Variants in PHF12 observed in about 807,000 individuals in gnomAD.
PHF12 encodes the protein PHD factor 1.
Under a neutral mutation model 99.8 loss-of-function variants are expected in PHF12, and 6 were observed. The ratio of observed to expected loss-of-function variants is 0.06; its 90% CI spans 0.03 to 0.12. The LOEUF (loss-of-function observed/expected upper bound fraction) is 0.12. Among genes scored for constraint, PHF12 ranks in the 10% least tolerant of loss-of-function variants. PHF12 has a pLI of 1.00. For missense variants in PHF12, 954 were observed against 1,300.1 expected (o/e 0.73, Z 4.09); for synonymous variants, 480 against 514.9 (o/e 0.93, Z 0.92).
In PHF12 at chr17:28,913,867, A is replaced by G. The variant is rs1006487114; in HGVS notation, c.1293+12T>C. The G allele has an allele frequency of 2.5e-6, 4 of 1,589,810 alleles. No individual in the cohort carries two copies. The African/African-American group carries it at 4.0e-5, about 16-fold the overall frequency. Reference sequence around the variant, plus strand: ...AGGTTGGATTTGGAATCCCCGCCCCACCTTCACTCACCTCTTGCTGCTCTG... The same window carrying G: ...AGGTTGGATTTGGAATCCCCGCCCCGCCTTCACTCACCTCTTGCTGCTCTG... On this transcript the variant is annotated intron_variant, in intron 8 of 14. Transcript: ENST00000332830.
At chr17:28,919,531 G>A (rs1355694361) in intron 5 of PHF12, among the ~76,000 whole-genome samples, 1 of 147,268 alleles carries the variant, frequency 6.8e-6, no homozygotes, top group African/African-American at 2.7e-5. Flanking sequence ...TCAGGAGACT[G>A]AGACTGAGAC....
chr17:28,907,530 A>G lies in PHF12; in HGVS notation c.2541+60T>C. The G allele has an allele frequency of 3.2e-6, 5 of 1,546,404 alleles. No individual in the cohort carries two copies. The South Asian group carries it at 5.6e-5, about 17-fold the overall frequency. On this transcript the variant is annotated intron_variant, in intron 13 of 14. Transcript: ENST00000332830. ...CCCTCAGGGCACTGAACAAAAACCT[A>G]CTGCCTGGGAGAGGCCTCAGGTTGG... is the stretch of plus-strand genomic sequence containing the variant.
intron 2 of PHF12, among the ~76,000 whole-genome samples, chr17:28,940,458 T>C (rs1288378824): frequency 6.6e-6 from 1 of 152,228 alleles, no homozygotes; most frequent in African/African-American, 2.4e-5. Context: ...ATCTGCAAGG[T>C]GCACATGTAA....
At chr17:28,930,428 G>C (rs1204148184) in intron 2 of PHF12, among the ~76,000 whole-genome samples, 1 of 152,166 alleles carries the variant, frequency 6.6e-6, no homozygotes, top group Non-Finnish European at 1.5e-5. Flanking sequence ...AAAGAACTGG[G>C]GAACACTAAG....
chr17:28,912,915 G>A lies in PHF12; in HGVS notation c.1656C>T (p.Leu552=), dbSNP rs754523065. ...CCGTGGAATCAGTAGGGCTGCTGTA[G>A]AGGTGTGGGCCATTAGCTTTCACCT... ...NTEVKANGPH[L]YSSPTDSTDP... is the part of the protein sequence containing the mutation. Residue 552 remains leucine (L), a synonymous_variant, in exon 9 of 15, where the codon CTC becomes CTT. Coordinates refer to ENST00000332830, the MANE Select transcript of PHF12 (RefSeq NM_001033561.2). 2 of 1,614,226 alleles carry A rather than the reference G, an allele frequency of 1.2e-6. No individual in the cohort carries two copies. The highest frequency in any genetic ancestry group is 1.1e-5 in the South Asian group (1 of 91,088).
rs1021782724 is a variant in PHF12 at position 28,937,794 on chromosome 17, T to C, written c.249-10731A>G. Reference sequence around the variant, plus strand: ...GGGCCTGATCTATCACTAGCCTGGTTTGGCTATTCTTGCAATTCTGGCTTC... The same window carrying C: ...GGGCCTGATCTATCACTAGCCTGGTCTGGCTATTCTTGCAATTCTGGCTTC... On this transcript the variant is annotated intron_variant, in intron 2 of 14. Transcript: ENST00000332830. 3.3e-5 allele frequency among the ~76,000 whole-genome samples: 5 copies of C among 152,238 alleles called. 1 individual carries two copies. The highest frequency in any genetic ancestry group is 5.9e-5 in the Non-Finnish European group (4 of 68,040).
intron 2 of PHF12, 69 bp from the exon 3 acceptor site, chr17:28,927,132 G>A (rs1263918108): frequency 2.8e-6 from 4 of 1,419,770 alleles, no homozygotes; most frequent in Non-Finnish European, 3.9e-6. Flanking sequence ...GCCTAGCTAG[G>A]TTTGCATGTT....
chr17:28,937,983 C>A (rs2040539762), intron 2 of PHF12, among the ~76,000 whole-genome samples: 1 of 152,156 alleles, frequency 6.6e-6, no homozygotes, highest in East Asian at 1.9e-4. Flanking sequence ...GAAGGAAGAA[C>A]CAACAACTGC....
chr17:28,912,479 C>A lies in PHF12; in HGVS notation c.2089+3G>T, dbSNP rs192378427. The A allele has an allele frequency of 6.3e-7, 1 of 1,588,030 alleles. No homozygotes were observed. Among genetic ancestry groups the A allele is most frequent in the Admixed American group, 1.7e-5 (1 of 58,588 alleles). On this transcript the variant is annotated splice_donor_region_variant and intron_variant, in intron 9 of 14. Transcript: ENST00000332830. ...AATCAACCCAAGGCTGAGCAGCACT[C>A]ACCTGACGATGGCGCTGGTGAGCTG...
At chr17:28,907,757 G>A in intron 12 of PHF12, 85 bp from the exon 13 acceptor site, 1 of 1,332,350 alleles carries the variant, frequency 7.5e-7, no homozygotes, top group Non-Finnish European at 1.1e-6. Context: ...CAGGGAGAGA[G>A]TTAGCTTCTG....
At chr17:28,933,108 A>G (rs557250371) in intron 2 of PHF12, among the ~76,000 whole-genome samples, 7 of 152,332 alleles carry the variant, frequency 4.6e-5, no homozygotes, top group African/African-American at 1.4e-4. Context: ...TGTATCAATG[A>G]AGACAGGGTC....
Position 28,950,217 on chromosome 17 carries a change from C to T in PHF12, c.96G>A (p.Lys32=), listed in dbSNP as rs931022700. 7 of 1,611,800 alleles carry T rather than the reference C, an allele frequency of 4.3e-6. No individual in the cohort carries two copies. In the African/African-American group the frequency reaches 9.3e-5, roughly 22 times the overall value. The part of the protein sequence containing the change: ...EQIQALLAPP[K]TDEAEKRSRK... ...GACTGCGCTTTTCTGCCTCGTCCGT[C>T]TTGGGGGGAGCCAGCAGAGCTTGGA... is the stretch of plus-strand genomic sequence containing the variant. Residue 32 remains lysine, a synonymous_variant, in exon 2 of 15, where the codon AAG becomes AAA. Coordinates refer to ENST00000332830, the MANE Select transcript of PHF12 (RefSeq NM_001033561.2). The surrounding 1 kb of genome is among the most constrained non-coding windows in gnomAD (Gnocchi z 5.7).
chr17:28,940,318 G>A (rs752572348), intron 2 of PHF12, among the ~76,000 whole-genome samples: 5 of 152,314 alleles, frequency 3.3e-5, no homozygotes, highest in East Asian at 1.9e-4. Context: ...GTCAGCCTCC[G>A]GCTTTTAAGT....
chr17:28,950,983 GCT>G lies in PHF12; in HGVS notation c.-25_-24del, dbSNP rs760856547. ...CATTCATCCACCTCCCGGGCTGGGT[GCT>G]CTCTGCTCCGGCCCCCCCAACCCCG... On this transcript the variant is annotated 5_prime_UTR_variant, in exon 1 of 15. Coordinates refer to ENST00000332830, the MANE Select transcript of PHF12 (RefSeq NM_001033561.2). This position sits in a 1 kb window ranked among gnomAD's most constrained non-coding sequence, Gnocchi z 5.7. 18 of 1,613,534 alleles carry G rather than the reference GCT, an allele frequency of 1.1e-5. No homozygotes were observed. The South Asian group carries it at 1.9e-4, about 17-fold the overall frequency.
chr17:28,950,174 G>C lies in PHF12; in HGVS notation c.139C>G (p.Pro47Ala), dbSNP rs377511362. ...EKRSRKPEKE[P>A]RRSGRATNHD... ...TTGGTGGCCCTGCCGCTTCTCCGGG[G>C]CTCCTTCTCAGGCTTCCGACTGCGC... The change falls in exon 2 of 15, where the codon CCC becomes GCC. Residue 47 changes from proline (P) to alanine (A), a missense_variant. By Grantham distance (27) the Pro-to-Ala change is conservative (BLOSUM62 -1). Coordinates refer to ENST00000332830, the MANE Select transcript of PHF12 (RefSeq NM_001033561.2). This position sits in a 1 kb window ranked among gnomAD's most constrained non-coding sequence, Gnocchi z 5.7. 8 of 1,613,764 alleles carry C rather than the reference G, an allele frequency of 5.0e-6. No individual in the cohort carries two copies. Among genetic ancestry groups the C allele is most frequent in the Non-Finnish European group, 6.8e-6 (8 of 1,180,000 alleles).
chr17:28,927,778 T>C (rs182450724), intron 2 of PHF12: 1 of 152,268 alleles, frequency 6.6e-6, no homozygotes, highest in Admixed American at 6.5e-5. Flanking sequence ...CCTGCTGTCA[T>C]GCTATGAGAG....
At chr17:28,914,516 T>A (rs180990258) in intron 7 of PHF12, among the ~76,000 whole-genome samples, 2 of 151,192 alleles carry the variant, frequency 1.3e-5, no homozygotes, top group East Asian at 3.9e-4. Context: ...ACTACAAATA[T>A]GAAAAATTAG....
In PHF12 at chr17:28,913,048, C is replaced by G; in HGVS notation, c.1523G>C (p.Cys508Ser). Residue 508 changes from cysteine to serine, a missense_variant, in exon 9 of 15, where the codon TGC becomes TCC. Cys to Ser is a moderately radical substitution (Grantham distance 112). Transcript: ENST00000332830. ...GGCTGGGGACTGGTGGGGTGGAGAG[C>G]AGCTCAGGGAATTCTGGGTGCTAAT... ...SGISTQNSLS[C>S]SPPHQSPALE... 9 of 1,614,136 alleles carry G rather than the reference C, an allele frequency of 5.6e-6. No individual in the cohort carries two copies. The highest frequency in any genetic ancestry group is 7.6e-6 in the Non-Finnish European group (9 of 1,180,012).
chr17:28,939,373 G>C (rs1316139030), intron 2 of PHF12, among the ~76,000 whole-genome samples: 1 of 152,160 alleles, frequency 6.6e-6, no homozygotes, highest in Non-Finnish European at 1.5e-5. Flanking sequence ...CCTATGTATC[G>C]AACTATGACA....
Sources: allele counts gnomAD v4.1 joint callset (sites outside exome capture counted in the v4.1 genomes callset), GRCh38; gene constraint gnomAD v4.1.1; non-coding constraint Gnocchi (gnomAD v3.1); transcripts MANE v1.5; gene names NCBI Gene and HGNC (gene_info 2026-07-23, HGNC 2026-07-21).